EPG5: variants seen among roughly 807,000 people sequenced by gnomAD.
EPG5 encodes ectopic P granules protein 5 homolog.
In EPG5, 159 loss-of-function variants were observed where a neutral mutation model predicts 302.7. The ratio of observed to expected loss-of-function variants is 0.53; its 90% CI spans 0.46 to 0.60. The LOEUF (loss-of-function observed/expected upper bound fraction) is 0.60, where lower values mean the gene tolerates loss of function less well. EPG5 is among the 20% of genes least tolerant of loss of function. EPG5 has a pLI of 0.00. For missense variants in EPG5, 2,896 were observed against 3,092.4 expected (o/e 0.94, Z 1.51); for synonymous variants, 1,158 against 1,136.8 (o/e 1.02, Z -0.37).
At chr18:45,842,406 C>A in the EPG5 span, 1 of 567,870 alleles carries the variant, frequency 1.8e-6, no homozygotes, top group Non-Finnish European at 3.2e-6. Flanking sequence ...GCCAGCATTT[C>A]GTAAATGTGC....
intron 32 of EPG5, among the ~76,000 whole-genome samples, chr18:45,879,686 C>A (rs960537376): frequency 6.6e-6 from 1 of 152,176 alleles, no homozygotes; most frequent in African/African-American, 2.4e-5. Flanking sequence ...GGTTTCAAAC[C>A]TTTTCTAAAT....
At chr18:45,815,344 A>G in the EPG5 span, among the ~76,000 whole-genome samples, 3 of 152,188 alleles carry the variant, frequency 2.0e-5, no homozygotes, top group Non-Finnish European at 4.4e-5. Flanking sequence ...CAAGTTATTT[A>G]AACTTTTTTC....
rs569600302 is a variant in EPG5, at chr18:45,962,245, T to C, written c.63+4932A>G. Among the ~76,000 whole-genome samples, 8 of 152,174 alleles carry C rather than the reference T, an allele frequency of 5.3e-5. No homozygotes were observed. The East Asian group carries it at 1.4e-3, about 26-fold the overall frequency. On this transcript the variant is annotated intron_variant, in intron 1 of 43. Coordinates refer to ENST00000282041, the MANE Select transcript of EPG5 (RefSeq NM_020964.3). ...ACTCCTGATAGAAAGGAACTAGAGG[T>C]GGAAATCAATCATTTAGGCATGGCA... is the stretch of plus-strand genomic sequence containing the variant.
intron 8 of EPG5, 129 bp from the exon 9 acceptor site, chr18:45,943,440 T>C: frequency 1.4e-6 from 1 of 721,012 alleles, no homozygotes; most frequent in South Asian, 1.9e-5. Flanking sequence ...CTCATTACTC[T>C]GGCTCCCATA....
chr18:45,860,378 C>T, intron 39 of EPG5, 32 bp from the exon 40 acceptor site: 1 of 1,613,786 alleles, frequency 6.2e-7, no homozygotes, highest in South Asian at 1.1e-5. Flanking sequence ...TCAAGAATGG[C>T]TGCCAGAAAG....
intron 34 of EPG5, among the ~76,000 whole-genome samples, chr18:45,876,795 T>TG (rs2048979460): frequency 6.6e-6 from 1 of 152,052 alleles, no homozygotes; most frequent in Non-Finnish European, 1.5e-5. Context: ...AATTTTTTTT[T>TG]TTTTGAGAGA....
chr18:45,868,071 A>T, intron 36 of EPG5: 1 of 476,476 alleles, frequency 2.1e-6, no homozygotes, highest in African/African-American at 2.0e-5. Context: ...CAGGGAGTGT[A>T]TCAGAATCCT....
chr18:45,813,586 A>C, the EPG5 span, among the ~76,000 whole-genome samples: 439 of 152,340 alleles, frequency 2.9e-3, no homozygotes, highest in African/African-American at 0.01. Context: ...CTATGCAGCC[A>C]TAAAAAGGAT....
the EPG5 span, chr18:45,842,442 T>A: frequency 0.2 from 69,410 of 341,272 alleles, 7,760 homozygotes; most frequent in African/African-American, 0.41. Context: ...TGTGTGTGTG[T>A]GAGAGAGAGA....
intron 16 of EPG5, among the ~76,000 whole-genome samples, chr18:45,921,224 C>CTGAA (rs776557896): frequency 3.3e-5 from 5 of 152,328 alleles, no homozygotes; most frequent in East Asian, 1.9e-4. Context: ...TAGCACAACG[C>CTGAA]TGAAGACTAC....
At chr18:45,840,062 G>A in the EPG5 span, 3 of 769,290 alleles carry the variant, frequency 3.9e-6, no homozygotes, top group Non-Finnish European at 6.1e-6. Context: ...GGGTTCCATG[G>A]CACAGCTTCA....
Position 45,850,717 on chromosome 18 carries a change from A to G in EPG5, c.*1750T>C, listed in dbSNP as rs1027029623. 1 of 152,658 alleles carries G rather than the reference A, an allele frequency of 6.6e-6. No individual in the cohort carries two copies. Among genetic ancestry groups the G allele is most frequent in the Non-Finnish European group, 1.5e-5 (1 of 68,028 alleles). The allele number at this position is 152,658 out of a possible 1,614,324, so 9.5% of individuals were successfully genotyped here. A position where few individuals can be genotyped will look rare whatever the true frequency, so the allele number is the denominator to read the frequency against. On this transcript the variant is annotated 3_prime_UTR_variant, in exon 44 of 44. Transcript: ENST00000282041. ...AAAAAACATTATACAGATTAATCAT[A>G]ATTTTCTTTAAAATGTGCATACTGT...
intron 26 of EPG5, 108 bp from the exon 27 acceptor site, chr18:45,899,674 C>T: frequency 8.8e-7 from 1 of 1,139,566 alleles, no homozygotes; most frequent in Non-Finnish European, 1.2e-6. Context: ...GCAAAAGACA[C>T]ATAAACCATA....
Position 45,944,084 on chromosome 18 carries a change from A to G in EPG5, c.1713T>C (p.Asn571=), listed in dbSNP as rs1364153002. 1.2e-6 allele frequency: 2 copies of G among 1,613,884 alleles called. No homozygotes were observed. The highest frequency in any genetic ancestry group is 1.3e-5 in the African/African-American group (1 of 75,060). Residue 571 remains asparagine (N), a synonymous_variant, in exon 8 of 44, where the codon AAT becomes AAC. Transcript: ENST00000282041. ...CTAAAATGGTAACCAAATCATCTTC[A>G]TTAAGGAGAATCCAACTGGTCTCAG... ...EDPETSWILL[N]EDDLVTILAQ...
At chr18:45,829,710 G>A in the EPG5 span, among the ~76,000 whole-genome samples, 2 of 152,054 alleles carry the variant, frequency 1.3e-5, no homozygotes, top group Non-Finnish European at 2.9e-5. Context: ...TCCTCATACT[G>A]GCCACTCGTC....
At chr18:45,950,237 C>T (rs1302899039) in intron 4 of EPG5, among the ~76,000 whole-genome samples, 2 of 152,098 alleles carry the variant, frequency 1.3e-5, no homozygotes, top group African/African-American at 2.4e-5. Context: ...TTTGCATAAA[C>T]ATAATAAGAT....
At chr18:45,942,537 G>C (rs543553235) in intron 9 of EPG5, among the ~76,000 whole-genome samples, 10 of 151,972 alleles carry the variant, frequency 6.6e-5, no homozygotes, top group Non-Finnish European at 2.9e-5. Context: ...CAGGAGGCGT[G>C]GGCTGCAGTG....
chr18:45,904,143 C>A (rs2049692371), intron 24 of EPG5, 26 bp from the exon 25 acceptor site: 1 of 1,599,084 alleles, frequency 6.3e-7, no homozygotes, highest in Admixed American at 1.8e-5. Flanking sequence ...AGTACTTTAA[C>A]TCTGACAGAC....
chr18:45,916,459 C>T lies in EPG5; in HGVS notation c.3363G>A (p.Lys1121=), dbSNP rs777267935. The change falls in exon 18 of 44, where the codon AAG becomes AAA. Residue 1121 remains lysine, a synonymous_variant. Transcript: ENST00000282041. ...LTGASHGDNV[K]LLNSMIQAHI... The stretch of plus-strand genomic sequence containing the variant: ...TCACCTGGATCATGCTGTTGAGAAG[C>T]TTCACGTTGTCCCCATGGCTGGCTC... The T allele has an allele frequency of 6.2e-7, 1 of 1,613,210 alleles. No homozygotes were observed. Among genetic ancestry groups the T allele is most frequent in the Non-Finnish European group, 8.5e-7 (1 of 1,179,296 alleles).
Sources: gnomAD v4.1 joint callset for allele counts (sites outside exome capture counted in the v4.1 genomes callset) on GRCh38, gnomAD v4.1.1 for gene constraint, MANE v1.5 for transcripts, NCBI Gene and HGNC (gene_info 2026-07-23, HGNC 2026-07-21) for gene names.